Variants in UCHL3 observed in about 807,000 individuals in gnomAD.
The protein encoded by UCHL3 is ubiquitin C-terminal hydrolase L3.
UCHL3 carries 22 observed loss-of-function variants against 35.8 expected under a neutral mutation model. The ratio of observed to expected loss-of-function variants is 0.61; its 90% CI spans 0.44 to 0.88. The LOEUF is 0.88. Among genes scored for constraint, UCHL3 ranks in the 40% least tolerant of loss-of-function variants. The probability of loss-of-function intolerance (pLI) is 0.00; values close to 1 mark genes in which losing one functional copy is unlikely to be tolerated. For missense variants in UCHL3, 229 were observed against 276.9 expected, an observed-to-expected ratio of 0.83 and a Z score of 1.23; for synonymous variants, 90 against 92.8, an observed-to-expected ratio of 0.97 and a Z score of 0.17.
chr13:75,587,937 A>G (rs921451999), intron 6 of UCHL3, among the ~76,000 whole-genome samples: 4 of 152,100 alleles, frequency 2.6e-5, no homozygotes, highest in Non-Finnish European at 5.9e-5. Context: ...TTCTTTTGCA[A>G]CCATCCACCC....
chr13:75,563,283 C>G (rs1031995889), intron 3 of UCHL3, among the ~76,000 whole-genome samples: 1 of 152,184 alleles, frequency 6.6e-6, no homozygotes, highest in Non-Finnish European at 1.5e-5. Flanking sequence ...ACAAGTGATT[C>G]TTCTGCCTCA....
At chr13:75,595,551 C>T (rs1270843874) in intron 7 of UCHL3, among the ~76,000 whole-genome samples, 3 of 122,512 alleles carry the variant, frequency 2.4e-5, no homozygotes, top group Non-Finnish European at 4.7e-5. Context: ...GAGCCGAGAT[C>T]GTGCCATGGT....
At chr13:75,590,088 C>T (rs899419370) in intron 6 of UCHL3, 23 of 1,304,174 alleles carry the variant, frequency 1.8e-5, no homozygotes, top group Middle Eastern at 2.1e-4. Flanking sequence ...TCGTCGCTGG[C>T]GACCCTTCTT....
chr13:75,566,033 A>C (rs1479991220), intron 3 of UCHL3, among the ~76,000 whole-genome samples: 1 of 152,200 alleles, frequency 6.6e-6, no homozygotes, highest in Non-Finnish European at 1.5e-5. Context: ...GAATTTTATA[A>C]ATATGCTATG....
At chr13:75,586,030 C>T (rs67270540) in intron 6 of UCHL3, among the ~76,000 whole-genome samples, 16,812 of 151,940 alleles carry the variant, frequency 0.11, 1,177 homozygotes, top group Non-Finnish European at 0.16. Flanking sequence ...AATGAAATGT[C>T]AGTATAAAGA....
chr13:75,578,868 G>T (rs1424319574), intron 6 of UCHL3, among the ~76,000 whole-genome samples: 4 of 152,012 alleles, frequency 2.6e-5, no homozygotes, highest in Non-Finnish European at 5.9e-5. Context: ...GTGTGTTTGT[G>T]TGGGTGTGTA....
chr13:75,601,255 T>A (rs1267371460), intron 7 of UCHL3, among the ~76,000 whole-genome samples: 1 of 152,192 alleles, frequency 6.6e-6, no homozygotes, highest in Non-Finnish European at 1.5e-5. Context: ...ATAAATGTAG[T>A]TGATAAAGCA....
At chr13:75,559,307 T>G (rs1211437440) in intron 2 of UCHL3, among the ~76,000 whole-genome samples, 1 of 148,158 alleles carries the variant, frequency 6.7e-6, no homozygotes. Context: ...CCCAGAGTGC[T>G]GGGATTACAG....
At chr13:75,562,559 C>G (rs1383799883) in intron 3 of UCHL3, among the ~76,000 whole-genome samples, 1 of 151,816 alleles carries the variant, frequency 6.6e-6, no homozygotes, top group African/African-American at 2.4e-5. Context: ...TTGCCTAAAG[C>G]TTAGGGTTTC....
In UCHL3 at chr13:75,567,551, A is replaced by AT. The variant is rs371007368; in HGVS notation, c.426+253dup. On this transcript the variant is annotated intron_variant, in intron 5 of 8. Transcript: ENST00000377595. ...TGGATAAAATCAGTTTGATTTACAAATTTTTTTTTTTTTTGATATGCAGTC... is the reference window on the plus strand; with the variant it reads ...TGGATAAAATCAGTTTGATTTACAAATTTTTTTTTTTTTTTGATATGCAGTC... Among the ~76,000 whole-genome samples the AT allele has an allele frequency of 1.1e-3, 161 of 148,046 alleles. 1 individual carries two copies. The highest frequency in any genetic ancestry group is 1.5e-3 in the Non-Finnish European group (101 of 66,708).
intron 7 of UCHL3, among the ~76,000 whole-genome samples, chr13:75,595,597 CAAAAAAAAAAAAAAAAAA>C (rs58733406): frequency 8.8e-5 from 4 of 45,656 alleles, no homozygotes; most frequent in African/African-American, 2.8e-4. Flanking sequence ...TACTCCATCT[CAAAAAAAAAAAAAAAAAA>C]AAAAAAAAAA....
chr13:75,593,900 T>C (rs1158422036), intron 6 of UCHL3, among the ~76,000 whole-genome samples: 1 of 152,192 alleles, frequency 6.6e-6, no homozygotes, highest in Non-Finnish European at 1.5e-5. Context: ...GAAAAGAATA[T>C]AATTTTTTAT....
intron 5 of UCHL3, among the ~76,000 whole-genome samples, chr13:75,568,188 C>T (rs2031743994): frequency 6.6e-6 from 1 of 151,868 alleles, no homozygotes; most frequent in Non-Finnish European, 1.5e-5. Flanking sequence ...AATCTTTTGA[C>T]CTTTTAATAA....
intron 7 of UCHL3, among the ~76,000 whole-genome samples, chr13:75,600,929 G>A (rs1039576237): frequency 2.0e-5 from 3 of 152,198 alleles, no homozygotes; most frequent in African/African-American, 4.8e-5. Context: ...TTTATGGGAA[G>A]AGCTCAAAGT....
intron 6 of UCHL3, among the ~76,000 whole-genome samples, chr13:75,576,908 C>A (rs556655509): frequency 6.6e-6 from 1 of 152,078 alleles, no homozygotes; most frequent in African/African-American, 2.4e-5. Flanking sequence ...ACAGTTGGCC[C>A]GCTGTAATGG....
chr13:75,601,398 T>G lies in UCHL3; in HGVS notation c.551-3371T>G, dbSNP rs79696017. 3.3e-5 allele frequency among the ~76,000 whole-genome samples: 5 copies of G among 152,330 alleles called. No homozygotes were observed. In the East Asian group the frequency reaches 9.6e-4, roughly 29 times the overall value. On this transcript the variant is annotated intron_variant, in intron 7 of 8. Transcript: ENST00000377595. ...GAGTCAAATGTGGCAAACTTCATTA[T>G]TGTCTTATTTTAGGAAATTTCCACA...
intron 6 of UCHL3, among the ~76,000 whole-genome samples, chr13:75,577,250 A>G (rs1022859492): frequency 6.6e-6 from 1 of 152,196 alleles, no homozygotes; most frequent in East Asian, 1.9e-4. Flanking sequence ...TGTCTCAGAC[A>G]AAAAAGAGAA....
At chr13:75,560,340 T>C (rs1296284323) in intron 2 of UCHL3, among the ~76,000 whole-genome samples, 2 of 152,226 alleles carry the variant, frequency 1.3e-5, no homozygotes, top group East Asian at 3.8e-4. Flanking sequence ...ATGTATTTGA[T>C]GAAGTCCAGG....
Position 75,570,528 on chromosome 13 carries a change from G to A in UCHL3, c.474+1021G>A, listed in dbSNP as rs941169762. On this transcript the variant is annotated intron_variant, in intron 6 of 8. Transcript: ENST00000377595. ...TGGGATTACAGGCGTGAGCCACCTC[G>A]CCCAGCCGAAACCACACTTTTTCAT... is the stretch of plus-strand genomic sequence containing the variant. Among the ~76,000 whole-genome samples the A allele has an allele frequency of 4.6e-5, 7 of 151,986 alleles. No homozygotes were observed. In the East Asian group the frequency reaches 9.6e-4, roughly 21 times the overall value.
Sources: gnomAD v4.1 joint callset for allele counts (sites outside exome capture counted in the v4.1 genomes callset) on GRCh38, gnomAD v4.1.1 for gene constraint, MANE v1.5 for transcripts, NCBI Gene and HGNC (gene_info 2026-07-23, HGNC 2026-07-21) for gene names.